CNTNAP2: variants seen among roughly 807,000 people sequenced by gnomAD.
CNTNAP2 encodes contactin associated protein 2, also known as contactin-associated protein-like 2.
CNTNAP2 carries 98 observed loss-of-function variants against 155.2 expected under a neutral mutation model. That is an observed-to-expected ratio of 0.63 (90% CI 0.54 to 0.75). The LOEUF is 0.75. Among genes scored for constraint, CNTNAP2 ranks in the 30% least tolerant of loss-of-function variants. The pLI, the probability that CNTNAP2 is intolerant of heterozygous loss-of-function variation, is 0.00. For synonymous variants in CNTNAP2, 651 were observed against 631.2 expected, an observed-to-expected ratio of 1.03 and a Z score of -0.47; for missense variants, 1,727 against 1,688.1, an observed-to-expected ratio of 1.02 and a Z score of -0.40.
intron 3 of CNTNAP2, among the ~76,000 whole-genome samples, chr7:146,936,748 G>A (rs1034021090): frequency 2.0e-5 from 3 of 152,146 alleles, no homozygotes; most frequent in African/African-American, 7.2e-5. Flanking sequence ...TGTTTAAACT[G>A]TGTTCAAAGA....
chr7:146,238,107 C>T (rs1271912528), intron 1 of CNTNAP2, among the ~76,000 whole-genome samples: 1 of 152,164 alleles, frequency 6.6e-6, no homozygotes, highest in Non-Finnish European at 1.5e-5. Context: ...TCAACTCTGG[C>T]ATGATAAAGA....
At chr7:147,036,390 G>A (rs1455701124) in intron 3 of CNTNAP2, among the ~76,000 whole-genome samples, 2 of 152,064 alleles carry the variant, frequency 1.3e-5, no homozygotes, top group African/African-American at 4.8e-5. Context: ...TAACATTGTG[G>A]ATGACTTACA....
intron 8 of CNTNAP2, among the ~76,000 whole-genome samples, chr7:147,159,861 C>T (rs1263793018): frequency 6.6e-6 from 1 of 152,072 alleles, no homozygotes; most frequent in East Asian, 1.9e-4. Flanking sequence ...AAATAAAGTG[C>T]AGAAACCTTA....
intron 3 of CNTNAP2, among the ~76,000 whole-genome samples, chr7:146,854,957 A>G (rs1285073228): frequency 1.3e-5 from 2 of 152,204 alleles, no homozygotes; most frequent in Non-Finnish European, 2.9e-5. Flanking sequence ...CCATCTATGT[A>G]TAATTGATGC....
chr7:147,018,614 G>C (rs1798767338), intron 3 of CNTNAP2, among the ~76,000 whole-genome samples: 1 of 152,026 alleles, frequency 6.6e-6, no homozygotes. Context: ...TTTTTTAAAA[G>C]AGAGTTTTAT....
intron 8 of CNTNAP2, among the ~76,000 whole-genome samples, chr7:147,285,926 A>G (rs1398955104): frequency 6.6e-6 from 1 of 152,076 alleles, no homozygotes; most frequent in East Asian, 1.9e-4. Flanking sequence ...TGTCTTCCCC[A>G]TTTATTTTTA....
intron 1 of CNTNAP2, among the ~76,000 whole-genome samples, chr7:146,424,562 G>A (rs1430014003): frequency 6.6e-6 from 1 of 152,024 alleles, no homozygotes; most frequent in African/African-American, 2.4e-5. Flanking sequence ...CTTTCAGTAG[G>A]AAAGCCAGGT....
At chr7:147,174,979 C>G (rs1003605020) in intron 8 of CNTNAP2, among the ~76,000 whole-genome samples, 1 of 151,990 alleles carries the variant, frequency 6.6e-6, no homozygotes, top group Admixed American at 6.6e-5. Context: ...ACCATACCGC[C>G]GACTCCATCA....
intron 8 of CNTNAP2, among the ~76,000 whole-genome samples, chr7:147,255,127 A>C (rs1281193617): frequency 6.6e-6 from 1 of 152,190 alleles, no homozygotes; most frequent in Non-Finnish European, 1.5e-5. Flanking sequence ...TTGTTTAGGC[A>C]TATTAAGTGT....
At chr7:146,990,778 A>G (rs1798194860) in intron 3 of CNTNAP2, among the ~76,000 whole-genome samples, 1 of 152,016 alleles carries the variant, frequency 6.6e-6, no homozygotes, top group Non-Finnish European at 1.5e-5. Flanking sequence ...GGATAATTTA[A>G]TTTTAAGACA....
At chr7:146,817,631 G>A (rs891910300) in intron 2 of CNTNAP2, among the ~76,000 whole-genome samples, 9 of 152,268 alleles carry the variant, frequency 5.9e-5, no homozygotes, top group African/African-American at 2.2e-4. Flanking sequence ...CAAAGAGGGA[G>A]CTGACACGTC....
intron 11 of CNTNAP2, among the ~76,000 whole-genome samples, chr7:147,551,164 CTCAGGTATATCATTA>C (rs1799845472): frequency 6.6e-6 from 1 of 152,120 alleles, no homozygotes; most frequent in South Asian, 2.1e-4. Flanking sequence ...CTCCTGTTAG[CTCAGGTATATCATTA>C]TCAGGTTCAA....
In CNTNAP2 at chr7:147,733,980, C is replaced by T. The variant is rs185397360; in HGVS notation, c.2098+94674C>T. Among the ~76,000 whole-genome samples the T allele has an allele frequency of 3.2e-3, 491 of 152,264 alleles. 4 individuals carry two copies. Among genetic ancestry groups the T allele is most frequent in the African/African-American group, 0.011 (461 of 41,538 alleles). The stretch of plus-strand genomic sequence containing the variant: ...CTGCAAACAAGGACAATTTGACTTC[C>T]TCTTTTCCTAATTGAATGCCCTTTA... On this transcript the variant is annotated intron_variant, in intron 13 of 23. Transcript: ENST00000361727.
chr7:147,998,415 G>C (rs6951293), intron 15 of CNTNAP2, among the ~76,000 whole-genome samples: 42,653 of 152,008 alleles, frequency 0.28, 6,138 homozygotes, highest in Middle Eastern at 0.34. Flanking sequence ...CCGGCCCATG[G>C]TCACTTTTTT....
At chr7:146,413,632 GTTC>G (rs1453097116) in intron 1 of CNTNAP2, among the ~76,000 whole-genome samples, 4 of 151,646 alleles carry the variant, frequency 2.6e-5, no homozygotes, top group East Asian at 1.9e-4. Flanking sequence ...CCTTTTACTT[GTTC>G]TTCTTCTTCC....
rs749231101 is a variant in CNTNAP2, at chr7:147,167,492, C to T, written c.1348+34983C>T. On this transcript the variant is annotated intron_variant, in intron 8 of 23. Coordinates refer to ENST00000361727, the MANE Select transcript of CNTNAP2 (RefSeq NM_014141.6). ...CTGCCCCTGCCCCACTGGAGGTTGC[C>T]ATGGACCCAGCTTTGACAGAGCATT... 9.7e-6 allele frequency: 9 copies of T among 923,148 alleles called. No homozygotes were observed. The Admixed American group carries it at 1.2e-4, about 13-fold the overall frequency. 57.2% of individuals were successfully genotyped at this position (923,148 alleles called of 1,614,324 possible). A position where few individuals can be genotyped will look rare whatever the true frequency, so the allele number is the denominator to read the frequency against.
intron 8 of CNTNAP2, among the ~76,000 whole-genome samples, chr7:147,221,803 CCAGA>C (rs776418238): frequency 7.9e-5 from 12 of 152,208 alleles, no homozygotes; most frequent in East Asian, 5.8e-4. Context: ...TTTTCTTTGG[CCAGA>C]CAAAGTCTCC....
At chr7:146,281,920 G>A (rs1023502830) in intron 1 of CNTNAP2, among the ~76,000 whole-genome samples, 1 of 152,082 alleles carries the variant, frequency 6.6e-6, no homozygotes, top group African/African-American at 2.4e-5. Flanking sequence ...TGCAGTGGCT[G>A]GTGAATTAAT....
intron 1 of CNTNAP2, among the ~76,000 whole-genome samples, chr7:146,347,018 A>T (rs1794828597): frequency 6.6e-6 from 1 of 151,928 alleles, no homozygotes; most frequent in Non-Finnish European, 1.5e-5. Flanking sequence ...TACAGAACCA[A>T]GACTAAAAGG....
Sources: gnomAD v4.1 joint callset for allele counts (sites outside exome capture counted in the v4.1 genomes callset) on GRCh38, gnomAD v4.1.1 for gene constraint, MANE v1.5 for transcripts, NCBI Gene and HGNC (gene_info 2026-07-23, HGNC 2026-07-21) for gene names.